Variants in ZNF735 observed in about 807,000 individuals in gnomAD.
ZNF735 encodes zinc finger protein 735.
Under a neutral mutation model 13.4 loss-of-function variants are expected in ZNF735, and 11 were observed. The observed-to-expected ratio is 0.82, with a 90% confidence interval of 0.52 to 1.36. The LOEUF (loss-of-function observed/expected upper bound fraction) is 1.36, where lower values mean the gene tolerates loss of function less well. ZNF735 is among the 40% of genes most tolerant of loss of function. The probability of loss-of-function intolerance (pLI) is 0.00; values close to 1 mark genes in which losing one functional copy is unlikely to be tolerated. For synonymous variants in ZNF735, 171 were observed against 162.6 expected (o/e 1.05, Z -0.39); for missense variants, 500 against 484.6 (o/e 1.03, Z -0.30).
exon 4 of ZNF735, chr7:64,219,461 T>G: frequency 6.2e-7 from 1 of 1,613,796 alleles, no homozygotes; most frequent in Non-Finnish European, 8.5e-7. Context: ...GAGTGTGAGG[T>G]GCACAAAGGA....
chr7:64,220,274 C>A (rs1335770896), exon 4 of ZNF735: 2 of 1,609,410 alleles, frequency 1.2e-6, no homozygotes, highest in Admixed American at 1.7e-5. Context: ...GGAGAGAAAC[C>A]CTACAAATGT....
At chr7:64,216,465 AAATT>A (rs1787423731) in intron 3 of ZNF735, among the ~76,000 whole-genome samples, 1 of 152,238 alleles carries the variant, frequency 6.6e-6, no homozygotes, top group East Asian at 1.9e-4. Flanking sequence ...AGGTTAAATT[AAATT>A]ATTTGACCCT....
In ZNF735 at chr7:64,207,359, T is replaced by A. The variant is rs541522297; in HGVS notation, c.39+118T>A. 894 of 1,593,852 alleles carry A rather than the reference T, an allele frequency of 5.6e-4. 14 individuals carry two copies. In the South Asian group the frequency reaches 9.4e-3, roughly 17 times the overall value. On this transcript the variant is annotated intron_variant, in intron 1 of 3. Coordinates refer to ENST00000429565, the Ensembl canonical transcript of ZNF735. ...CAGCTCCGGAGTCTGAGGACCCAAA[T>A]CCTCCTTGGCCCAGTTCGGCTGTTA...
At chr7:64,213,163 G>C in exon 2 of ZNF735, 7 of 1,613,000 alleles carry the variant, frequency 4.3e-6, no homozygotes, top group Non-Finnish European at 5.9e-6. Context: ...ATCATGCTCA[G>C]CAGAATTTAT....
At chr7:64,219,205 G>T in intron 3 of ZNF735, 109 bp from the exon 4 acceptor site, 7 of 1,357,754 alleles carry the variant, frequency 5.2e-6, no homozygotes, top group Non-Finnish European at 6.9e-6. Context: ...GTGGTATTTT[G>T]ATATGCCATT....
At chr7:64,210,179 A>G (rs1204066758) in intron 1 of ZNF735, among the ~76,000 whole-genome samples, 2 of 152,188 alleles carry the variant, frequency 1.3e-5, no homozygotes, top group Non-Finnish European at 2.9e-5. Flanking sequence ...AGCACATAGT[A>G]CCTGCTTAAT....
intron 3 of ZNF735, among the ~76,000 whole-genome samples, chr7:64,218,196 AT>A (rs1419972430): frequency 6.7e-6 from 1 of 149,520 alleles, no homozygotes; most frequent in Non-Finnish European, 1.5e-5. Flanking sequence ...TGCTGGTTAT[AT>A]TTTCACTGTG....
In ZNF735 at chr7:64,213,178, A is replaced by G. The variant is rs757520449; in HGVS notation, c.126A>G (p.Arg42=). The G allele has an allele frequency of 6.2e-5, 100 of 1,611,764 alleles. 1 individual carries two copies. The Admixed American group carries it at 1.7e-3, about 27-fold the overall frequency. Residue 42 remains arginine, a synonymous_variant, in exon 2 of 4, where the codon AGA becomes AGG. Coordinates refer to ENST00000429565, the Ensembl canonical transcript of ZNF735. ...ATCATGCTCAGCAGAATTTATATAG[A>G]GATGTGATGTTAGAGAACTACAGAA...
intron 1 of ZNF735, 137 bp downstream of exon 1, chr7:64,207,378 G>T: frequency 1.3e-6 from 2 of 1,538,546 alleles, no homozygotes; most frequent in Non-Finnish European, 1.8e-6. Context: ...GCCCAGTTCG[G>T]CTGTTAGCCC....
chr7:64,213,706 A>T (rs1787386846), intron 2 of ZNF735, among the ~76,000 whole-genome samples: 1 of 152,186 alleles, frequency 6.6e-6, no homozygotes, highest in Non-Finnish European at 1.5e-5. Context: ...CACACCTGTA[A>T]TCCCAGCACG....
At chr7:64,207,786 A>AACACCAT (rs1787306895) in intron 1 of ZNF735, among the ~76,000 whole-genome samples, 2 of 152,178 alleles carry the variant, frequency 1.3e-5, no homozygotes, top group Admixed American at 6.5e-5. Flanking sequence ...CAGGTGTTCG[A>AACACCAT]GACCAGCATG....
At chr7:64,214,976 A>T (rs1285183643) in intron 3 of ZNF735, among the ~76,000 whole-genome samples, 1 of 151,868 alleles carries the variant, frequency 6.6e-6, no homozygotes, top group Non-Finnish European at 1.5e-5. Context: ...TCTATAAATT[A>T]TTAATTTTGT....
chr7:64,219,263 A>G (rs1454465706), intron 3 of ZNF735, 51 bp from the exon 4 acceptor site: 2 of 1,579,930 alleles, frequency 1.3e-6, no homozygotes, highest in East Asian at 2.2e-5. Flanking sequence ...TGTACAGTAT[A>G]TTTATCTGAG....
At chr7:64,211,229 C>A (rs1787356512) in intron 1 of ZNF735, among the ~76,000 whole-genome samples, 1 of 152,110 alleles carries the variant, frequency 6.6e-6, no homozygotes. Context: ...TTATAACCTG[C>A]AATATTTAAA....
intron 1 of ZNF735, 54 bp from the exon 2 acceptor site, chr7:64,213,038 C>T (rs1787378204): frequency 1.9e-6 from 3 of 1,549,264 alleles, no homozygotes; most frequent in East Asian, 2.4e-5. Context: ...AAAATCTCTG[C>T]TTACGGCCAT....
At position 64,219,789 on chromosome 7, in the gene ZNF735, T is replaced by A; in HGVS notation, c.738T>A (p.Cys246Ter). 6.2e-7 allele frequency: 1 copy of A among 1,612,402 alleles called. No individual in the cohort carries two copies. Among genetic ancestry groups the A allele is most frequent in the Non-Finnish European group, 8.5e-7 (1 of 1,179,140 alleles). Reference sequence around the variant, plus strand: ...AGAAACCCTACAGATGTGAGGAATGTGGCAAAGCCTTTAGGTGGCCCTCAA... The same window carrying A: ...AGAAACCCTACAGATGTGAGGAATGAGGCAAAGCCTTTAGGTGGCCCTCAA... Residue 246 changes from cysteine to a stop codon, truncating the protein, a stop_gained, in exon 4 of 4, where the codon TGT becomes TGA. Transcript: ENST00000429565. LOFTEE classifies it low-confidence loss of function (END_TRUNC).
exon 4 of ZNF735, chr7:64,220,033 G>A: frequency 6.2e-7 from 1 of 1,612,724 alleles, no homozygotes; most frequent in Non-Finnish European, 8.5e-7. Context: ...CTACACATGT[G>A]AAGAATGTGG....
intron 3 of ZNF735, among the ~76,000 whole-genome samples, chr7:64,218,251 C>T (rs1264539735): frequency 1.3e-5 from 2 of 150,396 alleles, no homozygotes; most frequent in Non-Finnish European, 3.0e-5. Context: ...CAGTTCTTTT[C>T]TGACCTGAAA....
chr7:64,220,249 A>G lies in ZNF735; in HGVS notation c.1198A>G (p.Lys400Glu), dbSNP rs758160130. ...GTGGCATTCAAGTCTTGCTAAACATAAGATAATTCACACTGGAGAGAAACC... is the reference window on the plus strand; with the variant it reads ...GTGGCATTCAAGTCTTGCTAAACATGAGATAATTCACACTGGAGAGAAACC... The change falls in exon 4 of 4, where the codon AAG (lysine) becomes GAG (glutamate). Residue 400 changes from lysine (K) to glutamate (E), a missense_variant. Lys to Glu is a moderately conservative substitution (Grantham distance 56). Transcript: ENST00000429565. 5.6e-6 allele frequency: 9 copies of G among 1,612,284 alleles called. No homozygotes were observed. In the Admixed American group the frequency reaches 1.0e-4, roughly 18 times the overall value.
Sources: gnomAD v4.1 joint callset for allele counts (sites outside exome capture counted in the v4.1 genomes callset) on GRCh38, gnomAD v4.1.1 for gene constraint, MANE v1.5 for transcripts, NCBI Gene and HGNC (gene_info 2026-07-23, HGNC 2026-07-21) for gene names.